The following ATP8A2 variants were observed in gnomAD, a reference collection of about 807,000 sequenced individuals.
ATP8A2 encodes phospholipid-transporting ATPase IB.
Under a neutral mutation model 165.6 loss-of-function variants are expected in ATP8A2, and 100 were observed. That is an observed-to-expected ratio of 0.60 (90% CI 0.51 to 0.71). The LOEUF (loss-of-function observed/expected upper bound fraction) is 0.71, where lower values mean the gene tolerates loss of function less well. ATP8A2 is among the 30% of genes least tolerant of loss of function. The probability of loss-of-function intolerance (pLI) is 0.00; values close to 1 mark genes in which losing one functional copy is unlikely to be tolerated. For missense variants in ATP8A2, 1,227 were observed against 1,479.5 expected (o/e 0.83, Z 2.80); for synonymous variants, 543 against 548.8 (o/e 0.99, Z 0.15).
At chr13:25,614,367 A>AT (rs958856174) in intron 24 of ATP8A2, among the ~76,000 whole-genome samples, 2 of 151,470 alleles carry the variant, frequency 1.3e-5, no homozygotes, top group African/African-American at 2.4e-5. Context: ...AGAGGTTGTG[A>AT]TTTTTTTTAT....
intron 23 of ATP8A2, among the ~76,000 whole-genome samples, chr13:25,588,264 G>A (rs1479998799): frequency 9.9e-5 from 15 of 152,226 alleles, no homozygotes; most frequent in Admixed American, 3.3e-4. Flanking sequence ...ATACACAAAC[G>A]AAATTTTTTT....
chr13:25,968,477 A>G (rs1955834070), intron 34 of ATP8A2, 98 bp from the exon 35 acceptor site: 1 of 1,036,636 alleles, frequency 9.6e-7, no homozygotes, highest in African/African-American at 1.6e-5. Context: ...CCTCCACCAA[A>G]GGGCATTTGG....
Position 26,024,153 on chromosome 13 carries a change from T to G in ATP8A2, c.*4168T>G, listed in dbSNP as rs927250995. On this transcript the variant is annotated 3_prime_UTR_variant, in exon 37 of 37. Transcript: ENST00000381655. Reference sequence around the variant, plus strand: ...TCTCAGTATAGCCTTCGGGGAGATTTAACCTCATTCTAGCCATTTTTCCAT... The same window carrying G: ...TCTCAGTATAGCCTTCGGGGAGATTGAACCTCATTCTAGCCATTTTTCCAT... The G allele has an allele frequency of 6.6e-6, 1 of 152,202 alleles. No individual in the cohort carries two copies. The highest frequency in any genetic ancestry group is 2.4e-5 in the African/African-American group (1 of 41,454). 9.4% of individuals were successfully genotyped at this position (152,202 alleles called of 1,614,324 possible). A position where few individuals can be genotyped will look rare whatever the true frequency, so the allele number is the denominator to read the frequency against.
chr13:25,430,772 A>G (rs71431748), intron 1 of ATP8A2, among the ~76,000 whole-genome samples: 10 of 151,768 alleles, frequency 6.6e-5, no homozygotes, highest in Non-Finnish European at 1.3e-4. Context: ...AAATTTTTGT[A>G]TTTTTAGTAG....
chr13:25,680,895 C>T (rs1009408069), intron 24 of ATP8A2, among the ~76,000 whole-genome samples: 6 of 152,126 alleles, frequency 3.9e-5, no homozygotes, highest in African/African-American at 1.4e-4. Context: ...AAAAGGGACA[C>T]TGTATATTTA....
chr13:25,939,912 A>G (rs1035985692), intron 33 of ATP8A2, among the ~76,000 whole-genome samples: 2 of 152,044 alleles, frequency 1.3e-5, no homozygotes, highest in Non-Finnish European at 2.9e-5. Flanking sequence ...TGTAGGTGGG[A>G]CATTTCTTCT....
intron 2 of ATP8A2, among the ~76,000 whole-genome samples, chr13:25,496,663 G>A (rs2036687565): frequency 6.6e-6 from 1 of 152,070 alleles, no homozygotes; most frequent in Non-Finnish European, 1.5e-5. Flanking sequence ...TAAATTGGAA[G>A]GTAACAGAGC....
intron 24 of ATP8A2, among the ~76,000 whole-genome samples, chr13:25,647,366 G>C (rs1173550162): frequency 1.3e-5 from 2 of 152,152 alleles, no homozygotes; most frequent in African/African-American, 4.8e-5. Flanking sequence ...GCTTTGCTAT[G>C]TAAAATATTT....
chr13:25,800,140 G>C (rs1950591263), intron 27 of ATP8A2, among the ~76,000 whole-genome samples: 1 of 152,224 alleles, frequency 6.6e-6, no homozygotes, highest in Non-Finnish European at 1.5e-5. Flanking sequence ...GGAAGCCAAG[G>C]CACCCAGAGG....
At chr13:25,662,338 C>G (rs1411954999) in intron 24 of ATP8A2, among the ~76,000 whole-genome samples, 2 of 152,008 alleles carry the variant, frequency 1.3e-5, no homozygotes, top group Non-Finnish European at 2.9e-5. Flanking sequence ...TATCGTTGCC[C>G]CTGATAATTT....
intron 1 of ATP8A2, among the ~76,000 whole-genome samples, chr13:25,391,380 A>G (rs914872708): frequency 3.3e-5 from 5 of 152,116 alleles, no homozygotes; most frequent in Admixed American, 6.5e-5. Flanking sequence ...CCATTCTTTC[A>G]TCATCTATTT....
At chr13:25,898,145 C>T (rs904701669) in intron 33 of ATP8A2, among the ~76,000 whole-genome samples, 8 of 152,088 alleles carry the variant, frequency 5.3e-5, no homozygotes, top group Non-Finnish European at 8.8e-5. Context: ...GTTTTTTCCC[C>T]ATCTTTTGGT....
intron 33 of ATP8A2, among the ~76,000 whole-genome samples, chr13:25,947,239 G>C (rs1955236581): frequency 6.6e-6 from 1 of 152,184 alleles, no homozygotes; most frequent in Non-Finnish European, 1.5e-5. Context: ...AAGAGTGACT[G>C]ACAGGGACTT....
At chr13:25,852,430 C>T (rs565042565) in intron 30 of ATP8A2, among the ~76,000 whole-genome samples, 1 of 152,280 alleles carries the variant, frequency 6.6e-6, no homozygotes, top group Non-Finnish European at 1.5e-5. Context: ...AAGGTCAGAT[C>T]TCCAGGCGTT....
At chr13:25,938,172 TAAAA>T (rs759243830) in intron 33 of ATP8A2, among the ~76,000 whole-genome samples, 1 of 133,974 alleles carries the variant, frequency 7.5e-6, no homozygotes, top group Non-Finnish European at 1.6e-5. Flanking sequence ...GTGACCTGGT[TAAAA>T]AAAAAAAAAA....
chr13:25,553,955 CA>C, intron 12 of ATP8A2, 35 bp downstream of exon 12: 1 of 1,591,602 alleles, frequency 6.3e-7, no homozygotes, highest in African/African-American at 1.4e-5. Flanking sequence ...CACTATTTTC[CA>C]ATGCTATTTC....
chr13:25,976,162 C>T (rs943099216), intron 35 of ATP8A2, among the ~76,000 whole-genome samples: 7 of 152,174 alleles, frequency 4.6e-5, no homozygotes, highest in Non-Finnish European at 5.9e-5. Context: ...CTTCTGGGCT[C>T]ACTCCATCTT....
chr13:25,615,907 C>T (rs1329597630), intron 24 of ATP8A2, among the ~76,000 whole-genome samples: 1 of 152,096 alleles, frequency 6.6e-6, no homozygotes, highest in Non-Finnish European at 1.5e-5. Flanking sequence ...TCCTGAAGCT[C>T]GCAGCAGTAA....
At chr13:25,859,411 G>A (rs1480811833) in intron 30 of ATP8A2, among the ~76,000 whole-genome samples, 3 of 152,106 alleles carry the variant, frequency 2.0e-5, no homozygotes, top group Non-Finnish European at 2.9e-5. Context: ...GGTTGGCAGT[G>A]TCATCCAAGG....
Sources: allele counts gnomAD v4.1 joint callset (sites outside exome capture counted in the v4.1 genomes callset), GRCh38; gene constraint gnomAD v4.1.1; transcripts MANE v1.5; gene names NCBI Gene and HGNC (gene_info 2026-07-23, HGNC 2026-07-21).